Variants in WDR7 observed in about 807,000 individuals in gnomAD.
WDR7 encodes WD repeat-containing protein 7.
WDR7 carries 46 observed loss-of-function variants against 169.4 expected under a neutral mutation model. The observed-to-expected ratio is 0.27, with a 90% CI of 0.21 to 0.35. WDR7 has a LOEUF of 0.35. Ranked by LOEUF, WDR7 falls within the 10% of genes least tolerant of loss-of-function variation. WDR7 has a pLI of 1.00. For synonymous variants in WDR7, 612 were observed against 666.8 expected (o/e 0.92, Z 1.27); for missense variants, 1,534 against 1,859.3 (o/e 0.83, Z 3.22).
chr18:56,880,089 T>G lies in WDR7; in HGVS notation c.3450T>G (p.Pro1150=), dbSNP rs1261414917. 1 of 1,614,094 alleles carries G rather than the reference T, an allele frequency of 6.2e-7. No individual in the cohort carries two copies. Among genetic ancestry groups the G allele is most frequent in the South Asian group, 1.1e-5 (1 of 91,072 alleles). Residue 1150 remains proline, a synonymous_variant, in exon 21 of 28, where the codon CCT becomes CCG. Transcript: ENST00000254442. Reference sequence around the variant, plus strand: ...AACCTCCTAAACTATTGACCAGACCTCGAAGCTCTAGCCAAATTCCTGAGG... The same window carrying G: ...AACCTCCTAAACTATTGACCAGACCGCGAAGCTCTAGCCAAATTCCTGAGG... ...EIEPPKLLTR[P]RSSSQIPEGF...
At chr18:56,743,498 A>C (rs775218747) in intron 14 of WDR7, among the ~76,000 whole-genome samples, 1 of 152,166 alleles carries the variant, frequency 6.6e-6, no homozygotes, top group Non-Finnish European at 1.5e-5. Flanking sequence ...TTTCAGGCAG[A>C]GTAGAGAGTA....
At chr18:56,712,310 A>C (rs2026104331) in intron 12 of WDR7, among the ~76,000 whole-genome samples, 1 of 152,144 alleles carries the variant, frequency 6.6e-6, no homozygotes, top group Non-Finnish European at 1.5e-5. Context: ...GTAAGGTCAG[A>C]CTGGGTGACC....
At chr18:56,714,445 T>A (rs915441645) in intron 12 of WDR7, among the ~76,000 whole-genome samples, 1 of 126,588 alleles carries the variant, frequency 7.9e-6, no homozygotes, top group South Asian at 2.6e-4. Flanking sequence ...TGGACGAAAC[T>A]TTTTTTTTTT....
At chr18:56,870,647 G>T (rs935510975) in intron 20 of WDR7, among the ~76,000 whole-genome samples, 1 of 152,108 alleles carries the variant, frequency 6.6e-6, no homozygotes, top group African/African-American at 2.4e-5. Flanking sequence ...AGGCAGCCAG[G>T]TGTATCAATT....
intron 26 of WDR7, among the ~76,000 whole-genome samples, chr18:57,013,792 A>G (rs144041887): frequency 6.6e-6 from 1 of 152,210 alleles, no homozygotes; most frequent in Non-Finnish European, 1.5e-5. Flanking sequence ...CCATTGGCTT[A>G]GGTGTGCACA....
At chr18:56,883,103 G>T (rs372150145) in intron 21 of WDR7, among the ~76,000 whole-genome samples, 2 of 151,900 alleles carry the variant, frequency 1.3e-5, no homozygotes, top group African/African-American at 4.8e-5. Context: ...CCAGCTGCTC[G>T]GGAGGCTGAG....
intron 14 of WDR7, among the ~76,000 whole-genome samples, chr18:56,754,420 C>G (rs960373281): frequency 1.3e-5 from 2 of 150,420 alleles, no homozygotes; most frequent in Non-Finnish European, 3.0e-5. Context: ...TATACACACA[C>G]AAATATATAT....
chr18:56,726,245 T>G (rs143168738), intron 13 of WDR7, among the ~76,000 whole-genome samples: 2,736 of 152,316 alleles, frequency 0.018, 33 homozygotes, highest in Non-Finnish European at 0.027. Context: ...CCTTGGGCAG[T>G]ATGGCCATTT....
chr18:56,712,778 T>C (rs945881924), intron 12 of WDR7, among the ~76,000 whole-genome samples: 8 of 151,946 alleles, frequency 5.3e-5, no homozygotes, highest in Admixed American at 2.6e-4. Flanking sequence ...TTTAAGTCAG[T>C]TGATAGCAGC....
intron 26 of WDR7, among the ~76,000 whole-genome samples, chr18:57,011,149 A>T (rs574561831): frequency 6.6e-6 from 1 of 152,380 alleles, no homozygotes; most frequent in Admixed American, 6.5e-5. Flanking sequence ...CTATTCCTAG[A>T]TAAGGGTGTT....
At chr18:56,948,757 C>T (rs1383835571) in intron 25 of WDR7, among the ~76,000 whole-genome samples, 1 of 152,124 alleles carries the variant, frequency 6.6e-6, no homozygotes, top group African/African-American at 2.4e-5. Flanking sequence ...GCCCAGCTTT[C>T]CTGAACAGAT....
intron 20 of WDR7, among the ~76,000 whole-genome samples, chr18:56,866,709 C>G (rs377334272): frequency 4.6e-5 from 7 of 152,000 alleles, no homozygotes; most frequent in Non-Finnish European, 1.5e-5. Flanking sequence ...GCAAAATATT[C>G]GTGACACTGA....
At chr18:56,860,712 T>A (rs1489460950) in intron 20 of WDR7, among the ~76,000 whole-genome samples, 1 of 152,220 alleles carries the variant, frequency 6.6e-6, no homozygotes, top group Non-Finnish European at 1.5e-5. Context: ...AAAAATGTCT[T>A]TATTAAAATG....
intron 22 of WDR7, among the ~76,000 whole-genome samples, chr18:56,926,262 C>G (rs1290571465): frequency 6.6e-6 from 1 of 152,198 alleles, no homozygotes; most frequent in Non-Finnish European, 1.5e-5. Context: ...AACATCTTTT[C>G]AACCTCTGCC....
chr18:56,936,076 T>C lies in WDR7; in HGVS notation c.3831+171T>C, dbSNP rs537349100. ...GTGTCTGTGTGCATGTACACTGAAT[T>C]CCACGGTGTGGTGCATTCATTACTT... is the stretch of plus-strand genomic sequence containing the variant. On this transcript the variant is annotated intron_variant, in intron 23 of 27. Transcript: ENST00000254442. 1.9e-5 allele frequency: 11 copies of C among 581,324 alleles called. No homozygotes were observed. In the South Asian group the frequency reaches 2.8e-4, roughly 15 times the overall value. The allele number at this position is 581,324 out of a possible 1,614,324, so 36.0% of individuals were successfully genotyped here.
rs143855501 is a variant in WDR7 at position 56,861,459 on chromosome 18, A to G, written c.3305-18485A>G. On this transcript the variant is annotated intron_variant, in intron 20 of 27. Coordinates refer to ENST00000254442, the MANE Select transcript of WDR7 (RefSeq NM_015285.3). ...GGGCCTCCTGTTCTTGTATTAGTCCACAACTTAGCATTGCTGCACAGTCAG... is the reference window on the plus strand; with the variant it reads ...GGGCCTCCTGTTCTTGTATTAGTCCGCAACTTAGCATTGCTGCACAGTCAG... Among the ~76,000 whole-genome samples, 290 of 152,334 alleles carry G rather than the reference A, an allele frequency of 1.9e-3. 1 individual carries two copies. Among genetic ancestry groups the G allele is most frequent in the Non-Finnish European group, 6.6e-4 (45 of 68,032 alleles).
intron 20 of WDR7, among the ~76,000 whole-genome samples, chr18:56,818,726 A>G (rs888609446): frequency 6.6e-6 from 1 of 152,190 alleles, no homozygotes; most frequent in Non-Finnish European, 1.5e-5. Context: ...GCATTATGAA[A>G]AATATGGTAG....
At chr18:56,725,595 C>T (rs927051142) in intron 13 of WDR7, among the ~76,000 whole-genome samples, 2 of 152,150 alleles carry the variant, frequency 1.3e-5, no homozygotes, top group African/African-American at 2.4e-5. Flanking sequence ...TTCTCCCATT[C>T]TGTAGGTTGC....
At chr18:56,751,620 A>G (rs925956921) in intron 14 of WDR7, among the ~76,000 whole-genome samples, 1 of 152,202 alleles carries the variant, frequency 6.6e-6, no homozygotes, top group Non-Finnish European at 1.5e-5. Flanking sequence ...TGACATAACC[A>G]GCCGTAATAC....
Sources: gnomAD v4.1 joint callset for allele counts (sites outside exome capture counted in the v4.1 genomes callset) on GRCh38, gnomAD v4.1.1 for gene constraint, MANE v1.5 for transcripts, NCBI Gene and HGNC (gene_info 2026-07-23, HGNC 2026-07-21) for gene names.